The following HIPK3 variants were observed in gnomAD, a reference collection of about 807,000 sequenced individuals.
HIPK3 encodes homeodomain-interacting protein kinase 3.
HIPK3 carries 47 observed loss-of-function variants against 124.2 expected under a neutral mutation model. That is an observed-to-expected ratio of 0.38 (90% CI 0.30 to 0.48). HIPK3 has a LOEUF of 0.48. HIPK3 is among the 20% of genes least tolerant of loss of function. The pLI is 0.98. For missense variants in HIPK3, 1,286 were observed against 1,454.3 expected, an observed-to-expected ratio of 0.88 and a Z score of 1.88; for synonymous variants, 482 against 515.2, an observed-to-expected ratio of 0.94 and a Z score of 0.87.
At chr11:33,324,638 C>T (rs1852759062) in intron 2 of HIPK3, among the ~76,000 whole-genome samples, 1 of 152,210 alleles carries the variant, frequency 6.6e-6, no homozygotes, top group South Asian at 2.1e-4. Flanking sequence ...GCCATACTTC[C>T]TTTGGGCCCC....
At chr11:33,325,201 TTGTC>T (rs1852775696) in intron 2 of HIPK3, among the ~76,000 whole-genome samples, 2 of 152,332 alleles carry the variant, frequency 1.3e-5, no homozygotes, top group East Asian at 1.9e-4. Flanking sequence ...TTGTTGCTCT[TTGTC>T]TGACAGAAAC....
chr11:33,351,963 T>G (rs1196994229), intron 15 of HIPK3, 120 bp downstream of exon 15: 5 of 1,001,466 alleles, frequency 5.0e-6, no homozygotes, highest in Middle Eastern at 4.3e-4. Context: ...CCTTATGTAT[T>G]GTACAGAGGA....
At chr11:33,272,753 C>T (rs1851161879) in intron 1 of HIPK3, among the ~76,000 whole-genome samples, 1 of 23,820 alleles carries the variant, frequency 4.2e-5, no homozygotes, top group Non-Finnish European at 9.1e-5. Context: ...GCCTTTCCTC[C>T]TTCTCTCCCT....
intron 4 of HIPK3, 134 bp from the exon 5 acceptor site, chr11:33,338,620 TAAA>T (rs1853233419): frequency 2.0e-6 from 1 of 496,554 alleles, no homozygotes. Context: ...GCGTATACTT[TAAA>T]AAATACATTT....
rs537992363 is a variant in HIPK3 at position 33,316,748 on chromosome 11, T to C, written c.1098-11762T>C. ...TGGAGGGAGGAGGATTGCCAGACCC[T>C]GGAGGTTGAGACTGCAGTGAGCTAT... On this transcript the variant is annotated intron_variant, in intron 2 of 16. Transcript: ENST00000303296. 3.3e-5 allele frequency among the ~76,000 whole-genome samples: 5 copies of C among 152,216 alleles called. No homozygotes were observed. In the East Asian group the frequency reaches 5.8e-4, roughly 18 times the overall value.
chr11:33,263,150 A>G (rs528862449), intron 1 of HIPK3, among the ~76,000 whole-genome samples: 14 of 152,212 alleles, frequency 9.2e-5, no homozygotes, highest in African/African-American at 3.1e-4. Context: ...GATCACAGGC[A>G]TGAGCCACTG....
chr11:33,292,745 CTTTT>C (rs1160851858), intron 2 of HIPK3, among the ~76,000 whole-genome samples: 1 of 151,846 alleles, frequency 6.6e-6, no homozygotes, highest in Non-Finnish European at 1.5e-5. Flanking sequence ...AAATGGTTTT[CTTTT>C]TTTTAAGATG....
At chr11:33,349,907 A>G (rs538434645) in intron 14 of HIPK3, among the ~76,000 whole-genome samples, 10 of 152,088 alleles carry the variant, frequency 6.6e-5, no homozygotes, top group Admixed American at 1.3e-4. Flanking sequence ...AGCTGGGACT[A>G]CAGGAACCTG....
At chr11:33,332,206 T>G (rs1049464044) in intron 3 of HIPK3, among the ~76,000 whole-genome samples, 2 of 152,220 alleles carry the variant, frequency 1.3e-5, no homozygotes, top group Non-Finnish European at 2.9e-5. Context: ...CTCTTTGGAT[T>G]TTAGATTCTG....
At chr11:33,317,057 G>T (rs536382339) in intron 2 of HIPK3, among the ~76,000 whole-genome samples, 1 of 150,672 alleles carries the variant, frequency 6.6e-6, no homozygotes, top group South Asian at 2.1e-4. Context: ...TGCAACCTCC[G>T]CCTCCTAGGT....
chr11:33,300,223 G>A (rs1043855849), intron 2 of HIPK3, among the ~76,000 whole-genome samples: 1 of 151,228 alleles, frequency 6.6e-6, no homozygotes, highest in Non-Finnish European at 1.5e-5. Context: ...GCAGGTGCTT[G>A]TAATCCCAGC....
intron 8 of HIPK3, among the ~76,000 whole-genome samples, chr11:33,342,844 C>T (rs144361963): frequency 6.6e-6 from 1 of 152,330 alleles, no homozygotes; most frequent in South Asian, 2.1e-4. Flanking sequence ...CCATACCTGG[C>T]TGGCTATACA....
chr11:33,353,570 A>C lies in HIPK3; in HGVS notation c.*2A>C. On this transcript the variant is annotated 3_prime_UTR_variant, in exon 17 of 17. Transcript: ENST00000303296. ...CTCAGCCAGTATCCATATATGTGAA[A>C]AACAGTATATTGGGGAAGCTCAATG... 1 of 1,544,872 alleles carries C rather than the reference A, an allele frequency of 6.5e-7. No individual in the cohort carries two copies. Among genetic ancestry groups the C allele is most frequent in the East Asian group, 2.2e-5 (1 of 44,484 alleles).
chr11:33,337,248 T>A (rs1853178440), intron 4 of HIPK3, 54 bp downstream of exon 4: 3 of 1,081,482 alleles, frequency 2.8e-6, no homozygotes, highest in Non-Finnish European at 4.0e-6. Flanking sequence ...AGATGCCTCA[T>A]ATGCATGGAT....
Position 33,257,507 on chromosome 11 carries a change from G to C in HIPK3, c.-385G>C. 1.0e-6 allele frequency: 1 copy of C among 985,862 alleles called. No homozygotes were observed. Among genetic ancestry groups the C allele is most frequent in the Non-Finnish European group, 1.2e-6 (1 of 830,392 alleles). The allele number at this position is 985,862 out of a possible 1,614,324, so 61.1% of individuals were successfully genotyped here. Reference sequence around the variant, plus strand: ...CGCTCCCGGCCGGGGCGTCAGGAATGGGCCCCAATCGCCGTGGGCCCCGCA... The same window carrying C: ...CGCTCCCGGCCGGGGCGTCAGGAATCGGCCCCAATCGCCGTGGGCCCCGCA... On this transcript the variant is annotated 5_prime_UTR_variant, in exon 1 of 17. An upstream start codon of the reference 5' UTR is lost. Transcript: ENST00000303296.
Position 33,303,922 on chromosome 11 carries a change from T to A in HIPK3, c.1097+16411T>A, listed in dbSNP as rs180978377. Among the ~76,000 whole-genome samples, 1,424 of 152,194 alleles carry A rather than the reference T, an allele frequency of 9.4e-3. 6 individuals carry two copies. The highest frequency in any genetic ancestry group is 0.014 in the Non-Finnish European group (963 of 68,010). ...AAAAACCAATATACTAAATTAAAAATTATTTGATATATATGTGTATATATA... is the reference window on the plus strand; with the variant it reads ...AAAAACCAATATACTAAATTAAAAAATATTTGATATATATGTGTATATATA... On this transcript the variant is annotated intron_variant, in intron 2 of 16. Transcript: ENST00000303296.
chr11:33,278,872 T>C (rs950849383), intron 1 of HIPK3, among the ~76,000 whole-genome samples: 1 of 151,992 alleles, frequency 6.6e-6, no homozygotes, highest in African/African-American at 2.4e-5. Flanking sequence ...TGATTTAAGA[T>C]AGTAAATTTT....
At chr11:33,299,664 G>A (rs1565072394) in intron 2 of HIPK3, among the ~76,000 whole-genome samples, 1 of 152,190 alleles carries the variant, frequency 6.6e-6, no homozygotes, top group Non-Finnish European at 1.5e-5. Flanking sequence ...TCATTAAATA[G>A]CATCGCGTTC....
At chr11:33,318,314 A>G (rs1466121525) in intron 2 of HIPK3, among the ~76,000 whole-genome samples, 3 of 152,036 alleles carry the variant, frequency 2.0e-5, no homozygotes, top group Admixed American at 6.6e-5. Flanking sequence ...CAGTCCTCCC[A>G]TGTTGGCCAC....
Sources: gnomAD v4.1 joint callset for allele counts (sites outside exome capture counted in the v4.1 genomes callset) on GRCh38, gnomAD v4.1.1 for gene constraint, MANE v1.5 for transcripts, NCBI Gene and HGNC (gene_info 2026-07-23, HGNC 2026-07-21) for gene names.